NAALAD2: variants seen among roughly 807,000 people sequenced by gnomAD.
The protein encoded by NAALAD2 is N-acetylated-alpha-linked acidic dipeptidase 2.
A neutral mutation model predicts 95.6 loss-of-function variants in NAALAD2; 89 were observed. The observed-to-expected ratio is 0.93, with a 90% confidence interval of 0.78 to 1.11. NAALAD2 has a LOEUF of 1.11. Among genes scored for constraint, NAALAD2 ranks in the 50% least tolerant of loss-of-function variants. The probability of loss-of-function intolerance (pLI) is 0.00; values close to 1 mark genes in which losing one functional copy is unlikely to be tolerated. For synonymous variants in NAALAD2, 264 were observed against 294.4 expected (o/e 0.90, Z 1.06); for missense variants, 894 against 872.4 (o/e 1.02, Z -0.31).
At chr11:90,152,232 C>T (rs2134871616) in intron 5 of NAALAD2, 66 bp from the exon 6 acceptor site, 1 of 1,383,446 alleles carries the variant, frequency 7.2e-7, no homozygotes. Flanking sequence ...AAATTAATGT[C>T]TTTCTTATAT....
intron 3 of NAALAD2, among the ~76,000 whole-genome samples, chr11:90,147,737 T>A (rs1412500163): frequency 6.6e-6 from 1 of 152,160 alleles, no homozygotes; most frequent in Non-Finnish European, 1.5e-5. Context: ...AGACCTCAAA[T>A]TAGTATGGTA....
chr11:90,163,570 T>G lies in NAALAD2; in HGVS notation c.1231T>G (p.Trp411Gly), dbSNP rs143159839. 5.6e-6 allele frequency: 9 copies of G among 1,613,950 alleles called. No homozygotes were observed. In the African/African-American group the frequency reaches 1.2e-4, roughly 22 times the overall value. The change falls in exon 11 of 19, where the codon TGG becomes GGG. Residue 411 changes from tryptophan (W) to glycine (G), a missense_variant. Coordinates refer to ENST00000534061, the MANE Select transcript of NAALAD2 (RefSeq NM_005467.4). ...TAGAAGAACTATCATTTTTGCCAGC[T>G]GGGATGCAGAAGAATTTGGACTTCT... ...RPRRTIIFAS[W>G]DAEEFGLLGS...
At chr11:90,166,522 T>C (rs746825607) in intron 11 of NAALAD2, among the ~76,000 whole-genome samples, 14 of 152,212 alleles carry the variant, frequency 9.2e-5, no homozygotes, top group Non-Finnish European at 1.8e-4. Flanking sequence ...TAAGTGTCAA[T>C]TGCCAGTTAT....
At chr11:90,168,079 G>A (rs1036652051) in intron 11 of NAALAD2, among the ~76,000 whole-genome samples, 2 of 152,110 alleles carry the variant, frequency 1.3e-5, no homozygotes, top group Non-Finnish European at 2.9e-5. Flanking sequence ...CACTCACCTT[G>A]AAGGTCTGCA....
At chr11:90,159,661 A>G (rs965075417) in intron 8 of NAALAD2, among the ~76,000 whole-genome samples, 5 of 152,156 alleles carry the variant, frequency 3.3e-5, no homozygotes, top group Non-Finnish European at 7.3e-5. Flanking sequence ...GTGAAAAACT[A>G]GGTGAAGGTG....
chr11:90,190,674 A>T (rs1442797387), intron 18 of NAALAD2, among the ~76,000 whole-genome samples: 3 of 152,148 alleles, frequency 2.0e-5, no homozygotes, highest in Non-Finnish European at 2.9e-5. Flanking sequence ...TTTTAATTTT[A>T]AAAAAATCCA....
At position 90,163,377 on chromosome 11, in the gene NAALAD2, G is replaced by A. The variant is rs773744722; in HGVS notation, c.1143G>A (p.Gly381=). The A allele has an allele frequency of 6.2e-7, 1 of 1,614,048 alleles. No homozygotes were observed. Among genetic ancestry groups the A allele is most frequent in the South Asian group, 1.1e-5 (1 of 91,072 alleles). The part of the protein sequence containing the change: ...WVFGAIDPTS[G]VAVLQEIARS... The stretch of plus-strand genomic sequence containing the variant: ...TTGGAGCTATTGACCCAACCAGTGG[G>A]GTTGCTGTTTTGCAAGAAATTGCCC... The change falls in exon 10 of 19, where the codon GGG becomes GGA. Residue 381 remains glycine, a synonymous_variant. Coordinates refer to ENST00000534061, the MANE Select transcript of NAALAD2 (RefSeq NM_005467.4).
chr11:90,147,720 A>G (rs1397959721), intron 3 of NAALAD2, among the ~76,000 whole-genome samples: 1 of 152,162 alleles, frequency 6.6e-6, no homozygotes, highest in African/African-American at 2.4e-5. Context: ...AGACAATGGA[A>G]TACTTCAGAC....
At chr11:90,167,984 C>G (rs1817312211) in intron 11 of NAALAD2, among the ~76,000 whole-genome samples, 1 of 152,150 alleles carries the variant, frequency 6.6e-6, no homozygotes, top group South Asian at 2.1e-4. Flanking sequence ...GGTCTCCTTC[C>G]ACGTTGTGAA....
chr11:90,155,444 ATAATATG>A (rs1389460300), intron 6 of NAALAD2, among the ~76,000 whole-genome samples: 7 of 96,584 alleles, frequency 7.2e-5, no homozygotes, highest in South Asian at 6.1e-4. Flanking sequence ...TATATAATAT[ATAATATG>A]TAATATGTAA....
At chr11:90,161,572 A>G (rs1952300472) in intron 8 of NAALAD2, among the ~76,000 whole-genome samples, 2 of 152,204 alleles carry the variant, frequency 1.3e-5, no homozygotes, top group African/African-American at 2.4e-5. Context: ...TTGAAACGTG[A>G]TAAGTTTGAA....
At chr11:90,175,942 G>A (rs770385987) in intron 14 of NAALAD2, 30 bp from the exon 15 acceptor site, 1 of 1,293,112 alleles carries the variant, frequency 7.7e-7, no homozygotes, top group Non-Finnish European at 1.1e-6. Context: ...GTGTGTGTGT[G>A]TGTGTGTGTG....
chr11:90,189,152 G>A (rs912441546), intron 18 of NAALAD2, among the ~76,000 whole-genome samples: 7 of 152,140 alleles, frequency 4.6e-5, no homozygotes, highest in Non-Finnish European at 7.4e-5. Flanking sequence ...ATGCAGTTGC[G>A]GATTTTGATG....
chr11:90,159,154 G>T, intron 7 of NAALAD2, 85 bp from the exon 8 acceptor site: 1 of 1,007,330 alleles, frequency 9.9e-7, no homozygotes, highest in East Asian at 2.5e-5. Flanking sequence ...TTATATATAT[G>T]AATGAAATAT....
chr11:90,159,484 ATGAAATAT>A, intron 8 of NAALAD2, 147 bp downstream of exon 8: 1 of 567,902 alleles, frequency 1.8e-6, no homozygotes, highest in South Asian at 2.5e-5. Context: ...GTACTTACAC[ATGAAATAT>A]TGAATTATTT....
intron 10 of NAALAD2, 48 bp downstream of exon 10, chr11:90,163,477 ATTTTC>A (rs1952353783): frequency 1.2e-6 from 2 of 1,613,048 alleles, no homozygotes; most frequent in Non-Finnish European, 8.5e-7. Flanking sequence ...GACTTACTGA[ATTTTC>A]TTTTATTTTT....
At chr11:90,135,703 T>A (rs1951438813) in intron 2 of NAALAD2, 33 bp downstream of exon 2, 1 of 1,557,782 alleles carries the variant, frequency 6.4e-7, no homozygotes, top group African/African-American at 1.4e-5. Flanking sequence ...ATCTTAAAAA[T>A]CATGTTTAAA....
upstream of NAALAD2, among the ~76,000 whole-genome samples, chr11:90,133,659 T>G (rs527844980): frequency 5.3e-5 from 8 of 152,264 alleles, no homozygotes; most frequent in African/African-American, 1.9e-4. Context: ...AGTAAATGAA[T>G]TTTAGGGAAA....
intron 13 of NAALAD2, among the ~76,000 whole-genome samples, chr11:90,172,590 A>C (rs757940067): frequency 2.6e-5 from 4 of 152,178 alleles, no homozygotes; most frequent in Non-Finnish European, 5.9e-5. Context: ...AGACATATCT[A>C]TCTCTCATCC....
Sources: gnomAD v4.1 joint callset for allele counts (sites outside exome capture counted in the v4.1 genomes callset) on GRCh38, gnomAD v4.1.1 for gene constraint, MANE v1.5 for transcripts, NCBI Gene and HGNC (gene_info 2026-07-23, HGNC 2026-07-21) for gene names.